SETBP1: variants seen among roughly 807,000 people sequenced by gnomAD.
SETBP1 encodes the protein SET binding protein 1.
SETBP1 carries 9 observed loss-of-function variants against 101.0 expected under a neutral mutation model. The ratio of observed to expected loss-of-function variants is 0.09; its 90% confidence interval spans 0.05 to 0.16. The LOEUF (loss-of-function observed/expected upper bound fraction) is 0.16, where lower values mean the gene tolerates loss of function less well. Among genes scored for constraint, SETBP1 ranks in the 10% least tolerant of loss-of-function variants. SETBP1 has a pLI of 1.00. For missense variants in SETBP1, 1,858 were observed against 2,033.8 expected (o/e 0.91, Z 1.66); for synonymous variants, 818 against 788.5 (o/e 1.04, Z -0.63).
intron 4 of SETBP1, among the ~76,000 whole-genome samples, chr18:44,984,519 G>C (rs1345337015): frequency 1.3e-5 from 2 of 152,142 alleles, no homozygotes; most frequent in Non-Finnish European, 2.9e-5. Flanking sequence ...CTTAACTCTT[G>C]CTGTCCAGCC....
At chr18:45,049,673 C>T (rs1568050981) in intron 5 of SETBP1, among the ~76,000 whole-genome samples, 1 of 152,080 alleles carries the variant, frequency 6.6e-6, no homozygotes, top group Non-Finnish European at 1.5e-5. Flanking sequence ...TCTCTCAGTA[C>T]CTTGAATGTC....
chr18:44,762,420 G>T (rs902775666), intron 2 of SETBP1, among the ~76,000 whole-genome samples: 2 of 152,196 alleles, frequency 1.3e-5, no homozygotes, highest in African/African-American at 4.8e-5. Context: ...AAAGCTAGAG[G>T]TATTTGTCCA....
At chr18:44,776,001 G>T (rs2070994411) in intron 2 of SETBP1, among the ~76,000 whole-genome samples, 2 of 152,124 alleles carry the variant, frequency 1.3e-5, no homozygotes, top group African/African-American at 4.8e-5. Flanking sequence ...AATGTTCAAT[G>T]GACAGAGCCG....
chr18:44,722,627 T>C (rs144108005), intron 2 of SETBP1, among the ~76,000 whole-genome samples: 3 of 152,334 alleles, frequency 2.0e-5, no homozygotes, highest in East Asian at 3.9e-4. Context: ...CCATGATTTC[T>C]GTCTTCCAGT....
intron 4 of SETBP1, among the ~76,000 whole-genome samples, chr18:44,973,639 C>T (rs1035732604): frequency 3.3e-5 from 5 of 152,026 alleles, no homozygotes; most frequent in Non-Finnish European, 7.3e-5. Flanking sequence ...TTTGAGGGCC[C>T]GATGGCTAGA....
At chr18:44,975,904 A>T (rs1278889011) in intron 4 of SETBP1, among the ~76,000 whole-genome samples, 1 of 152,230 alleles carries the variant, frequency 6.6e-6, no homozygotes, top group East Asian at 1.9e-4. Context: ...GTCCTTGCTG[A>T]CATGAAGCAG....
intron 4 of SETBP1, among the ~76,000 whole-genome samples, chr18:45,004,334 C>T (rs967318258): frequency 7.7e-4 from 117 of 152,242 alleles, no homozygotes; most frequent in African/African-American, 2.6e-3. Flanking sequence ...TTTTTTACAC[C>T]GATGGTTGGC....
intron 2 of SETBP1, among the ~76,000 whole-genome samples, chr18:44,755,725 T>C (rs2070477142): frequency 6.6e-6 from 1 of 152,104 alleles, no homozygotes; most frequent in South Asian, 2.1e-4. Flanking sequence ...GCAGACGATC[T>C]CTCTTGGGAC....
chr18:45,060,680 G>A lies in SETBP1; in HGVS notation c.4172-2399G>A, dbSNP rs770177260. On this transcript the variant is annotated intron_variant, in intron 5 of 5. Coordinates refer to ENST00000649279, the MANE Select transcript of SETBP1 (RefSeq NM_015559.3). The stretch of plus-strand genomic sequence containing the variant: ...TTTCATAATCCTTTTTTAATGCAAA[G>A]ACTTAATAAATTATTCAGCACATGT... Among the ~76,000 whole-genome samples the A allele has an allele frequency of 6.6e-5, 10 of 152,150 alleles. 1 individual carries two copies. The highest frequency in any genetic ancestry group is 1.2e-4 in the Non-Finnish European group (8 of 68,006).
chr18:44,753,981 A>C (rs1353932830), intron 2 of SETBP1, among the ~76,000 whole-genome samples: 2 of 152,236 alleles, frequency 1.3e-5, no homozygotes, highest in Non-Finnish European at 2.9e-5. Context: ...TGGACAGCTC[A>C]AACTCATGCA....
At chr18:44,752,874 A>G (rs1306550749) in intron 2 of SETBP1, among the ~76,000 whole-genome samples, 1 of 152,164 alleles carries the variant, frequency 6.6e-6, no homozygotes, top group African/African-American at 2.4e-5. Context: ...CCAATTTTGT[A>G]TATATGTGCA....
At chr18:45,045,726 G>A (rs1288721336) in intron 5 of SETBP1, among the ~76,000 whole-genome samples, 3 of 152,062 alleles carry the variant, frequency 2.0e-5, no homozygotes, top group Admixed American at 2.0e-4. Flanking sequence ...TCTGTAAAAT[G>A]GGGAAAAGAA....
chr18:44,924,958 C>T (rs915354743), intron 3 of SETBP1, among the ~76,000 whole-genome samples: 3 of 150,830 alleles, frequency 2.0e-5, no homozygotes. Context: ...CTTAGGCAGC[C>T]TCTCTCCATG....
intron 2 of SETBP1, among the ~76,000 whole-genome samples, chr18:44,816,107 G>T (rs958316457): frequency 6.6e-6 from 1 of 152,210 alleles, no homozygotes; most frequent in South Asian, 2.1e-4. Flanking sequence ...GGGAGACAGA[G>T]GGGGAGGTGA....
At chr18:44,961,265 C>T (rs2071604944) in intron 4 of SETBP1, among the ~76,000 whole-genome samples, 1 of 152,196 alleles carries the variant, frequency 6.6e-6, no homozygotes, top group East Asian at 1.9e-4. Flanking sequence ...AAGTGATCAG[C>T]AGAGCCAGAA....
At chr18:44,997,219 C>T (rs996258668) in intron 4 of SETBP1, among the ~76,000 whole-genome samples, 1 of 152,100 alleles carries the variant, frequency 6.6e-6, no homozygotes, top group African/African-American at 2.4e-5. Flanking sequence ...AAATAGGCCT[C>T]CCTAGTCCTC....
At chr18:44,846,390 C>A (rs569238525) in intron 2 of SETBP1, among the ~76,000 whole-genome samples, 1 of 152,288 alleles carries the variant, frequency 6.6e-6, no homozygotes, top group Non-Finnish European at 1.5e-5. Context: ...TTCAACCCCC[C>A]AAAAGAAACT....
intron 2 of SETBP1, among the ~76,000 whole-genome samples, chr18:44,829,688 T>TA: frequency 6.6e-6 from 1 of 152,322 alleles, no homozygotes; most frequent in East Asian, 1.9e-4. Flanking sequence ...ATAAGATTTC[T>TA]AAAAATCAAA....
chr18:44,917,159 C>A (rs2070448485), intron 3 of SETBP1, among the ~76,000 whole-genome samples: 1 of 152,234 alleles, frequency 6.6e-6, no homozygotes, highest in African/African-American at 2.4e-5. Flanking sequence ...ACACCCTTCT[C>A]AACCTTCTGT....
Sources: gnomAD v4.1 joint callset for allele counts (sites outside exome capture counted in the v4.1 genomes callset) on GRCh38, gnomAD v4.1.1 for gene constraint, MANE v1.5 for transcripts, NCBI Gene and HGNC (gene_info 2026-07-23, HGNC 2026-07-21) for gene names.